The following KIAA1328 variants were observed in gnomAD, a reference collection of about 807,000 sequenced individuals.
KIAA1328 encodes the protein protein hinderin.
KIAA1328 carries 52 observed loss-of-function variants against 68.1 expected under a neutral mutation model. The ratio of observed to expected loss-of-function variants is 0.76; its 90% confidence interval spans 0.61 to 0.96. KIAA1328 has a LOEUF of 0.96. Ranked by LOEUF, KIAA1328 falls within the 40% of genes least tolerant of loss-of-function variation. KIAA1328 has a pLI of 0.00. For synonymous variants in KIAA1328, 232 were observed against 239.4 expected, an observed-to-expected ratio of 0.97 and a Z score of 0.28; for missense variants, 641 against 677.6, an observed-to-expected ratio of 0.95 and a Z score of 0.60.
chr18:37,113,265 C>T (rs1388461593), intron 7 of KIAA1328, among the ~76,000 whole-genome samples: 1 of 152,102 alleles, frequency 6.6e-6, no homozygotes, highest in Non-Finnish European at 1.5e-5. Context: ...AGAGAAAGGT[C>T]AGGTTAATCA....
chr18:37,075,782 ACTAT>A (rs923137450), intron 7 of KIAA1328: 1 of 152,248 alleles, frequency 6.6e-6, no homozygotes, highest in African/African-American at 2.4e-5. Context: ...AGAAGAGCTA[ACTAT>A]CCTAAATATA....
intron 7 of KIAA1328, among the ~76,000 whole-genome samples, chr18:37,091,002 A>G (rs903117447): frequency 1.3e-5 from 2 of 152,208 alleles, no homozygotes; most frequent in African/African-American, 2.4e-5. Context: ...ATACGAAGTA[A>G]TACATCCAGA....
At chr18:37,104,869 A>T (rs2057726216) in intron 7 of KIAA1328, among the ~76,000 whole-genome samples, 1 of 152,204 alleles carries the variant, frequency 6.6e-6, no homozygotes. Flanking sequence ...ATCATACACT[A>T]TTGCTAGGAA....
At position 36,907,407 on chromosome 18, in the gene KIAA1328, A is replaced by G. The variant is rs546811837; in HGVS notation, c.448+21735A>G. ...GCAAATTACTCTCTTACCATTAAGT[A>G]TGATTTTTAGCTATAAGTTTAACAT... On this transcript the variant is annotated intron_variant, in intron 5 of 9. Coordinates refer to ENST00000280020, the MANE Select transcript of KIAA1328 (RefSeq NM_020776.3). 2.0e-5 allele frequency among the ~76,000 whole-genome samples: 3 copies of G among 152,230 alleles called. No individual in the cohort carries two copies. The East Asian group carries it at 5.8e-4, about 29-fold the overall frequency.
chr18:37,147,225 T>C (rs1376724790), intron 7 of KIAA1328, among the ~76,000 whole-genome samples: 1 of 152,230 alleles, frequency 6.6e-6, no homozygotes, highest in African/African-American at 2.4e-5. Context: ...CATTCCTTTA[T>C]AGCAACACAA....
Position 37,067,013 on chromosome 18 carries a change from T to G in KIAA1328, c.700T>G (p.Ser234Ala), listed in dbSNP as rs770561806. 2 of 1,613,952 alleles carry G rather than the reference T, an allele frequency of 1.2e-6. No homozygotes were observed. The highest frequency in any genetic ancestry group is 2.2e-5 in the South Asian group (2 of 91,072). Residue 234 changes from serine to alanine, a missense_variant, in exon 7 of 10, where the codon TCA becomes GCA. By Grantham distance (99) the Ser-to-Ala change is moderately conservative. Transcript: ENST00000280020. Reference protein sequence around the residue: ...KQRPKSAVQDSASESLIAFRN... With the variant: ...KQRPKSAVQDAASESLIAFRN... Reference sequence around the variant, plus strand: ...AAGACCTAAGTCTGCAGTCCAGGATTCAGCTTCAGAATCCCTTATAGCATT... The same window carrying G: ...AAGACCTAAGTCTGCAGTCCAGGATGCAGCTTCAGAATCCCTTATAGCATT...
chr18:37,197,877 T>G (rs1480311594), intron 9 of KIAA1328, among the ~76,000 whole-genome samples: 3 of 152,096 alleles, frequency 2.0e-5, no homozygotes, highest in Non-Finnish European at 2.9e-5. Flanking sequence ...AAAATAGATG[T>G]CCATGCTGAA....
rs563243282 is a variant in KIAA1328, at chr18:37,102,288, G to A, written c.1232+34743G>A. Among the ~76,000 whole-genome samples the A allele has an allele frequency of 2.6e-5, 4 of 152,266 alleles. No individual in the cohort carries two copies. The South Asian group carries it at 8.3e-4, about 32-fold the overall frequency. ...GGCCTGTCAGGCGTGATTCAGGGGA[G>A]GGACAGCAACAGGAAGAATACATAT... On this transcript the variant is annotated intron_variant, in intron 7 of 9. Coordinates refer to ENST00000280020, the MANE Select transcript of KIAA1328 (RefSeq NM_020776.3).
At chr18:37,059,866 A>G (rs2151703637) in intron 6 of KIAA1328, among the ~76,000 whole-genome samples, 1 of 152,314 alleles carries the variant, frequency 6.6e-6, no homozygotes, top group East Asian at 1.9e-4. Flanking sequence ...GCCATAAAAA[A>G]GGATGAGTTA....
intron 7 of KIAA1328, among the ~76,000 whole-genome samples, chr18:37,106,076 A>T (rs2057768368): frequency 6.6e-6 from 1 of 152,140 alleles, no homozygotes; most frequent in Non-Finnish European, 1.5e-5. Flanking sequence ...ATGAATATTC[A>T]TAGCAACACT....
At chr18:37,099,999 A>T (rs140541134) in intron 7 of KIAA1328, among the ~76,000 whole-genome samples, 2 of 152,158 alleles carry the variant, frequency 1.3e-5, no homozygotes, top group Non-Finnish European at 2.9e-5. Context: ...TCCTGAATGC[A>T]GCACACTGAT....
chr18:37,034,698 T>C (rs976272485), intron 6 of KIAA1328, among the ~76,000 whole-genome samples: 9 of 152,138 alleles, frequency 5.9e-5, no homozygotes, highest in Admixed American at 5.9e-4. Context: ...TAAAGAAATA[T>C]GAAATATAGT....
chr18:36,839,904 G>T (rs564576689), intron 3 of KIAA1328, among the ~76,000 whole-genome samples: 1 of 152,218 alleles, frequency 6.6e-6, no homozygotes, highest in South Asian at 2.1e-4. Flanking sequence ...TTCATTTTGG[G>T]CTCTTTCCCC....
At chr18:37,058,728 TAAAA>T (rs990457684) in intron 6 of KIAA1328, among the ~76,000 whole-genome samples, 7 of 151,768 alleles carry the variant, frequency 4.6e-5, no homozygotes, top group African/African-American at 1.7e-4. Context: ...AAAATTTTAA[TAAAA>T]TAAATAAATA....
chr18:36,857,802 G>A (rs1471813874), intron 4 of KIAA1328, among the ~76,000 whole-genome samples: 1 of 151,790 alleles, frequency 6.6e-6, no homozygotes, highest in African/African-American at 2.4e-5. Flanking sequence ...AAATACTTGG[G>A]GATTTTCCAG....
At chr18:37,169,036 T>C (rs1352717427) in intron 8 of KIAA1328, among the ~76,000 whole-genome samples, 1 of 152,160 alleles carries the variant, frequency 6.6e-6, no homozygotes. Context: ...TGTGAAAATA[T>C]ATGTGCGTGT....
chr18:37,157,969 A>G (rs914459547), intron 7 of KIAA1328, among the ~76,000 whole-genome samples: 1 of 152,124 alleles, frequency 6.6e-6, no homozygotes, highest in Non-Finnish European at 1.5e-5. Flanking sequence ...TTATCCTTAA[A>G]CAAATATTCT....
intron 7 of KIAA1328, among the ~76,000 whole-genome samples, chr18:37,146,176 A>G (rs912015277): frequency 1.3e-5 from 2 of 151,690 alleles, no homozygotes; most frequent in African/African-American, 2.4e-5. Context: ...TTTACAGATT[A>G]TTTTGTCACC....
chr18:37,185,716 T>TAG (rs1417898548), intron 9 of KIAA1328, among the ~76,000 whole-genome samples: 4 of 134,966 alleles, frequency 3.0e-5, no homozygotes, highest in African/African-American at 1.4e-4. Context: ...TACCTACTGA[T>TAG]ATATACACAC....
Sources: gnomAD v4.1 joint callset for allele counts (sites outside exome capture counted in the v4.1 genomes callset) on GRCh38, gnomAD v4.1.1 for gene constraint, MANE v1.5 for transcripts, NCBI Gene and HGNC (gene_info 2026-07-23, HGNC 2026-07-21) for gene names.